Variants in PSAT1 observed in about 807,000 individuals in gnomAD.
PSAT1 encodes phosphoserine aminotransferase.
PSAT1 carries 41 observed loss-of-function variants against 40.3 expected under a neutral mutation model. The ratio of observed to expected loss-of-function variants is 1.02; its 90% CI spans 0.79 to 1.32. PSAT1 has a LOEUF of 1.32. Among genes scored for constraint, PSAT1 ranks in the 40% most tolerant of loss-of-function variants. PSAT1 has a pLI of 0.00. For synonymous variants in PSAT1, 147 were observed against 170.5 expected (o/e 0.86, Z 1.07); for missense variants, 406 against 455.8 (o/e 0.89, Z 0.99).
In PSAT1 at chr9:78,320,247, A is replaced by G. The variant is rs372216779; in HGVS notation, c.869+2443A>G. Among the ~76,000 whole-genome samples, 375 of 150,964 alleles carry G rather than the reference A, an allele frequency of 2.5e-3. 1 individual carries two copies. Among genetic ancestry groups the G allele is most frequent in the African/African-American group, 8.5e-3 (348 of 40,940 alleles). On this transcript the variant is annotated intron_variant, in intron 7 of 8. Transcript: ENST00000376588. Reference sequence around the variant, plus strand: ...CATTCACCCATCCACTCATCCAGACATCCATCTGTCCACCCATTCATCCAT... The same window carrying G: ...CATTCACCCATCCACTCATCCAGACGTCCATCTGTCCACCCATTCATCCAT...
chr9:78,304,969 G>T (rs1242826019), intron 4 of PSAT1, 29 bp downstream of exon 4: 1 of 1,603,570 alleles, frequency 6.2e-7, no homozygotes, highest in Non-Finnish European at 8.5e-7. Context: ...GCTGGGTGGT[G>T]ACGTGCTCAA....
intron 3 of PSAT1, among the ~76,000 whole-genome samples, chr9:78,302,698 C>A (rs1828124337): frequency 1.5e-5 from 2 of 136,220 alleles, no homozygotes; most frequent in Non-Finnish European, 3.0e-5. Context: ...CGTGCCACTG[C>A]ATTCCAGCTT....
At chr9:78,298,567 A>AC (rs1410041978) in intron 1 of PSAT1, among the ~76,000 whole-genome samples, 5 of 151,620 alleles carry the variant, frequency 3.3e-5, no homozygotes, top group African/African-American at 9.7e-5. Flanking sequence ...CTCCTCCTGC[A>AC]CCCCCCATGT....
intron 6 of PSAT1, among the ~76,000 whole-genome samples, chr9:78,317,261 A>AT (rs1378418333): frequency 2.0e-5 from 3 of 147,168 alleles, no homozygotes; most frequent in Non-Finnish European, 1.5e-5. Flanking sequence ...TTCTTTCTTT[A>AT]TTTTTTTTGG....
Position 78,304,471 on chromosome 9 carries a change from A to G in PSAT1, c.192-264A>G, listed in dbSNP as rs569300170. On this transcript the variant is annotated intron_variant, in intron 3 of 8. Transcript: ENST00000376588. ...GGCAGAGGGGTAATTTCCTAAAGGA[A>G]CATCAGGCTGTTGTCACTAAGAAGA... Among the ~76,000 whole-genome samples, 5 of 152,328 alleles carry G rather than the reference A, an allele frequency of 3.3e-5. No individual in the cohort carries two copies. The East Asian group carries it at 9.6e-4, about 29-fold the overall frequency.
intron 2 of PSAT1, 48 bp downstream of exon 2, chr9:78,300,710 CTTTTTT>C (rs753207413): frequency 2.0e-4 from 223 of 1,107,266 alleles, no homozygotes; most frequent in Admixed American, 6.0e-4. Context: ...TCAAAGGAAG[CTTTTTT>C]TTTTTTTTTT....
chr9:78,298,230 T>G, intron 1 of PSAT1: 1 of 972,516 alleles, frequency 1.0e-6, no homozygotes. Flanking sequence ...CCGATGTGCC[T>G]TGAGCCCATT....
At chr9:78,315,192 G>A (rs191711819) in intron 6 of PSAT1, among the ~76,000 whole-genome samples, 68 of 152,326 alleles carry the variant, frequency 4.5e-4, no homozygotes, top group African/African-American at 1.5e-3. Flanking sequence ...GGAGCTAGTG[G>A]CTGGAGCCCT....
chr9:78,300,893 A>C (rs1828098108), intron 2 of PSAT1, among the ~76,000 whole-genome samples: 1 of 151,536 alleles, frequency 6.6e-6, no homozygotes. Context: ...TTTTTTTTAA[A>C]TGTTTAAAAC....
intron 1 of PSAT1, 120 bp downstream of exon 1, chr9:78,297,390 C>T: frequency 8.4e-7 from 1 of 1,192,976 alleles, no homozygotes; most frequent in Non-Finnish European, 1.2e-6. Flanking sequence ...CCCCTAGGCG[C>T]TTTGCATCAG....
chr9:78,326,955 A>ATATATATATATATTTTTTTTT, intron 7 of PSAT1, among the ~76,000 whole-genome samples: 1 of 75,934 alleles, frequency 1.3e-5, no homozygotes, highest in African/African-American at 9.5e-5. Context: ...ATATATATAT[A>ATATATATATATATTTTTTTTT]TTTTTTTTTT....
intron 7 of PSAT1, among the ~76,000 whole-genome samples, chr9:78,320,685 A>G (rs1380788844): frequency 4.6e-5 from 2 of 43,156 alleles, no homozygotes; most frequent in Non-Finnish European, 1.7e-4. Context: ...CCATCCATCC[A>G]ACCGTCCATC....
At chr9:78,300,763 T>A in intron 2 of PSAT1, 101 bp downstream of exon 2, 1 of 1,429,852 alleles carries the variant, frequency 7.0e-7, no homozygotes, top group Non-Finnish European at 9.1e-7. Context: ...TCACCCAGGC[T>A]GGAGTACAGT....
At chr9:78,299,529 T>TTTG (rs1434307334) in intron 1 of PSAT1, among the ~76,000 whole-genome samples, 1 of 147,560 alleles carries the variant, frequency 6.8e-6, no homozygotes. Flanking sequence ...TTTTTTTTTT[T>TTTG]TTTGAGAGAA....
intron 6 of PSAT1, among the ~76,000 whole-genome samples, chr9:78,309,736 CG>C (rs1381723706): frequency 6.6e-6 from 1 of 152,184 alleles, no homozygotes; most frequent in Non-Finnish European, 1.5e-5. Flanking sequence ...CTGGGGGCTG[CG>C]TTGCAGCACT....
rs1202698690 is a variant in PSAT1, at chr9:78,306,456, C to G, written c.540C>G (p.Asn180Lys). The G allele has an allele frequency of 6.2e-7, 1 of 1,614,088 alleles. No individual in the cohort carries two copies. Among genetic ancestry groups the G allele is most frequent in the Non-Finnish European group, 8.5e-7 (1 of 1,180,056 alleles). The part of the protein sequence containing the change: ...GAVLVCDMSS[N>K]FLSKPVDVSK... ...TACTGGTTTGTGACATGTCCTCAAA[C>G]TTCCTGTCCAAGCCAGTGGATGTTT... Residue 180 changes from asparagine (N) to lysine (K), a missense_variant, in exon 5 of 9, where the codon AAC becomes AAG. Coordinates refer to ENST00000376588, the MANE Select transcript of PSAT1 (RefSeq NM_058179.4).
At chr9:78,298,026 C>G (rs889574032) in intron 1 of PSAT1, among the ~76,000 whole-genome samples, 1 of 151,688 alleles carries the variant, frequency 6.6e-6, no homozygotes, top group South Asian at 2.1e-4. Context: ...CTCTGGTAGA[C>G]TTTGGGCTGC....
At chr9:78,301,413 C>A (rs1443571736) in intron 2 of PSAT1, among the ~76,000 whole-genome samples, 1 of 152,124 alleles carries the variant, frequency 6.6e-6, no homozygotes, top group African/African-American at 2.4e-5. Flanking sequence ...TATTAAGTTT[C>A]CCCTATATTT....
rs758981232 is a variant in PSAT1 at position 78,308,515 on chromosome 9, C to T, written c.672C>T (p.Cys224=). Residue 224 remains cysteine (C), a synonymous_variant, in exon 6 of 9, where the codon TGC becomes TGT. Coordinates refer to ENST00000376588, the MANE Select transcript of PSAT1 (RefSeq NM_058179.4). ...TGCTGGGGTTTGCCCTCCGAGAGTG[C>T]CCCTCGGTCCTGGAATACAAGGTGC... The part of the protein sequence containing the change: ...DDLLGFALRE[C]PSVLEYKVQA... 6.2e-7 allele frequency: 1 copy of T among 1,613,956 alleles called. No homozygotes were observed. Among genetic ancestry groups the T allele is most frequent in the Non-Finnish European group, 8.5e-7 (1 of 1,179,960 alleles).
Sources: gnomAD v4.1 joint callset for allele counts (sites outside exome capture counted in the v4.1 genomes callset) on GRCh38, gnomAD v4.1.1 for gene constraint, MANE v1.5 for transcripts, NCBI Gene and HGNC (gene_info 2026-07-23, HGNC 2026-07-21) for gene names.